C1QTNF9: variants seen among roughly 807,000 people sequenced by gnomAD.
C1QTNF9 encodes the protein complement C1q and tumor necrosis factor-related protein 9A.
In C1QTNF9, 6 loss-of-function variants were observed where a neutral mutation model predicts 10.1. The ratio of observed to expected loss-of-function variants is 0.59; its 90% CI spans 0.32 to 1.17. The LOEUF (loss-of-function observed/expected upper bound fraction) is 1.17, where lower values mean the gene tolerates loss of function less well. Among genes scored for constraint, C1QTNF9 ranks in the 50% most tolerant of loss-of-function variants. The pLI, the probability that C1QTNF9 is intolerant of heterozygous loss-of-function variation, is 0.04. For synonymous variants in C1QTNF9, 98 were observed against 163.5 expected (o/e 0.60, Z 3.06); for missense variants, 201 against 418.8 (o/e 0.48, Z 4.54).
chr13:24,312,711 C>CT (rs1488977272), intron 1 of C1QTNF9, among the ~76,000 whole-genome samples: 1 of 152,024 alleles, frequency 6.6e-6, no homozygotes, highest in Admixed American at 6.6e-5. Context: ...AATCCCAGCA[C>CT]TTTGGGAGGC....
chr13:24,314,806 G>A (rs767764057), intron 1 of C1QTNF9, among the ~76,000 whole-genome samples: 2 of 151,922 alleles, frequency 1.3e-5, no homozygotes, highest in African/African-American at 2.4e-5. Flanking sequence ...TTGCATGACT[G>A]TACTTCAGCC....
upstream of C1QTNF9, among the ~76,000 whole-genome samples, chr13:24,308,174 G>A (rs1877669850): frequency 1.3e-5 from 2 of 152,274 alleles, no homozygotes; most frequent in Non-Finnish European, 2.9e-5. Context: ...CTCTGAGGCA[G>A]AGGTCCAGGC....
chr13:24,317,720 T>C (rs1878096119), intron 2 of C1QTNF9, among the ~76,000 whole-genome samples: 2 of 151,972 alleles, frequency 1.3e-5, no homozygotes. Context: ...GTGTTCATGC[T>C]TTGTGAGTTG....
chr13:24,322,158 C>G (rs1049469924), exon 4 of C1QTNF9: 2 of 174,664 alleles, frequency 1.1e-5, no homozygotes, highest in Admixed American at 6.2e-5. Context: ...TTAGTACTAG[C>G]AACAGCTTTA....
intron 1 of C1QTNF9, among the ~76,000 whole-genome samples, chr13:24,312,095 T>A (rs912615973): frequency 1.8e-4 from 27 of 152,144 alleles, no homozygotes; most frequent in East Asian, 5.8e-4. Flanking sequence ...TGTTGGAGAT[T>A]ACTAGCAACT....
At chr13:24,314,488 G>T (rs1451080554) in intron 1 of C1QTNF9, among the ~76,000 whole-genome samples, 2 of 152,142 alleles carry the variant, frequency 1.3e-5, no homozygotes, top group Non-Finnish European at 2.9e-5. Flanking sequence ...TTTGAGACCA[G>T]CCTGGCCAGC....
chr13:24,310,825 T>C (rs1265034966), intron 1 of C1QTNF9, among the ~76,000 whole-genome samples: 1 of 142,386 alleles, frequency 7.0e-6, no homozygotes, highest in Non-Finnish European at 1.5e-5. Flanking sequence ...GGCAGGAGAA[T>C]GGCGTGAACC....
rs139609371 is a variant in C1QTNF9 at position 24,316,782 on chromosome 13, C to G, written c.166+613C>G. 1.9e-3 allele frequency among the ~76,000 whole-genome samples: 294 copies of G among 152,238 alleles called. 1 individual carries two copies. Among genetic ancestry groups the G allele is most frequent in the African/African-American group, 6.6e-3 (274 of 41,538 alleles). ...TTCAGCCTCTGGGAGGGAGATTTGC[C>G]AAAGCTGAGAAGTCCGAGTGGTTTC... On this transcript the variant is annotated intron_variant, in intron 2 of 3. Coordinates refer to ENST00000332018, the Ensembl canonical transcript of C1QTNF9.
intron 2 of C1QTNF9, among the ~76,000 whole-genome samples, chr13:24,316,798 G>A (rs1294706864): frequency 1.3e-5 from 2 of 152,176 alleles, no homozygotes; most frequent in East Asian, 3.9e-4. Flanking sequence ...TGAGAAGTCC[G>A]AGTGGTTTCC....
intron 3 of C1QTNF9, 126 bp downstream of exon 3, chr13:24,319,006 A>G: frequency 7.5e-7 from 1 of 1,340,348 alleles, no homozygotes; most frequent in Non-Finnish European, 1.0e-6. Context: ...TACTCTCCAG[A>G]CGGGGGGATT....
exon 2 of C1QTNF9, chr13:24,316,052 A>G (rs1433179916): frequency 6.2e-7 from 1 of 1,613,688 alleles, no homozygotes; most frequent in Non-Finnish European, 8.5e-7. Flanking sequence ...CACAGGGAAC[A>G]TAAACTCACA....
At chr13:24,317,170 G>A (rs947749943) in intron 2 of C1QTNF9, among the ~76,000 whole-genome samples, 16 of 151,866 alleles carry the variant, frequency 1.1e-4, no homozygotes, top group Admixed American at 8.5e-4. Flanking sequence ...CAGTCCCCAG[G>A]TAGCAAACAG....
rs549260221 is a variant in C1QTNF9 at position 24,311,430 on chromosome 13, C to T, written c.-23+1814C>T. 1.1e-4 allele frequency among the ~76,000 whole-genome samples: 16 copies of T among 152,334 alleles called. No homozygotes were observed. In the East Asian group the frequency reaches 1.9e-3, roughly 18 times the overall value. On this transcript the variant is annotated intron_variant, in intron 1 of 3. Transcript: ENST00000332018. Reference sequence around the variant, plus strand: ...ACCATGCCAGTATGTCTGGCTCATGCGGTCACAGCATTCTGCAGAATGATG... The same window carrying T: ...ACCATGCCAGTATGTCTGGCTCATGTGGTCACAGCATTCTGCAGAATGATG...
intron 1 of C1QTNF9, among the ~76,000 whole-genome samples, chr13:24,312,340 G>A (rs1207218284): frequency 6.7e-6 from 1 of 149,116 alleles, no homozygotes; most frequent in African/African-American, 2.5e-5. Context: ...AGAGTAAGTG[G>A]GGACTGGGGA....
At chr13:24,309,401 G>A (rs545772321), upstream of C1QTNF9, among the ~76,000 whole-genome samples, 2 of 151,572 alleles carry the variant, frequency 1.3e-5, no homozygotes, top group Admixed American at 6.6e-5. Flanking sequence ...TCTAAACTAA[G>A]TGGTGCTGGT....
At chr13:24,317,957 G>T (rs1878105351) in intron 2 of C1QTNF9, among the ~76,000 whole-genome samples, 1 of 152,148 alleles carries the variant, frequency 6.6e-6, no homozygotes, top group Admixed American at 6.5e-5. Flanking sequence ...TGGTGTCCCA[G>T]GAGAACAGAC....
chr13:24,321,183 GGGCAACATTGGGCC>G lies in C1QTNF9; in HGVS notation c.418_431del (p.Gly140PhefsTer30). 1.4e-6 allele frequency: 2 copies of G among 1,387,344 alleles called. No homozygotes were observed. The highest frequency in any genetic ancestry group is 1.9e-6 in the Non-Finnish European group (2 of 1,048,004). The allele number at this position is 1,387,344 out of a possible 1,614,324, so 85.9% of individuals were successfully genotyped here. ...GTCCCACTGGTCCTGAGGGGCCAAG[GGGCAACATTGGGCC>G]TTTGGGCCCAACTGGTTTACCGGGC... On this transcript the variant is annotated frameshift_variant, in exon 4 of 4. Coordinates refer to ENST00000332018, the Ensembl canonical transcript of C1QTNF9. LOFTEE classifies it low-confidence loss of function (END_TRUNC).
chr13:24,321,453 C>T lies in C1QTNF9; in HGVS notation c.687C>T (p.Asn229=), dbSNP rs754029536. The T allele has an allele frequency of 4.2e-5, 67 of 1,613,172 alleles. No individual in the cohort carries two copies. In the Admixed American group the frequency reaches 5.3e-4, roughly 13 times the overall value. Residue 229 remains asparagine, a synonymous_variant, in exon 4 of 4, where the codon AAC becomes AAT. Coordinates refer to ENST00000332018, the Ensembl canonical transcript of C1QTNF9. ...TTAAATTTGATAAGATCCTGTATAACGAATTCAACCATTATGATACAGCAG... is the reference window on the plus strand; with the variant it reads ...TTAAATTTGATAAGATCCTGTATAATGAATTCAACCATTATGATACAGCAG...
chr13:24,315,652 AGATAAGTAAGCATT>A (rs1877992856), intron 1 of C1QTNF9: 1 of 445,292 alleles, frequency 2.2e-6, no homozygotes, highest in African/African-American at 1.9e-5. Context: ...CAGTCCTGTG[AGATAAGTAAGCATT>A]GATCTCTGGT....
Sources: allele counts gnomAD v4.1 joint callset (sites outside exome capture counted in the v4.1 genomes callset), GRCh38; gene constraint gnomAD v4.1.1; transcripts MANE v1.5; gene names NCBI Gene and HGNC (gene_info 2026-07-23, HGNC 2026-07-21).